Variants in NBEAL1 observed in about 807,000 individuals in gnomAD.
NBEAL1 encodes neurobeachin-like protein 1.
Under a neutral mutation model 351.3 loss-of-function variants are expected in NBEAL1, and 273 were observed. The observed-to-expected ratio is 0.78, with a 90% CI of 0.70 to 0.86. The LOEUF (loss-of-function observed/expected upper bound fraction) is 0.86. Ranked by LOEUF, NBEAL1 falls within the 40% of genes least tolerant of loss-of-function variation. The pLI is 0.00. For synonymous variants in NBEAL1, 1,050 were observed against 1,086.4 expected (o/e 0.97, Z 0.66); for missense variants, 2,961 against 3,201.3 (o/e 0.92, Z 1.81).
chr2:203,149,533 A>G (rs542281303), intron 34 of NBEAL1, among the ~76,000 whole-genome samples: 2 of 152,262 alleles, frequency 1.3e-5, no homozygotes, highest in Admixed American at 6.5e-5. Flanking sequence ...TAATTATATT[A>G]TCTTTTTTTT....
At chr2:203,050,363 G>C (rs1268094579) in intron 4 of NBEAL1, among the ~76,000 whole-genome samples, 2 of 152,048 alleles carry the variant, frequency 1.3e-5, no homozygotes, top group Non-Finnish European at 2.9e-5. Flanking sequence ...AAGAGTAAGT[G>C]CACTTTTTGG....
chr2:203,149,156 G>T lies in NBEAL1; in HGVS notation c.5462+8G>T. 2 of 1,570,600 alleles carry T rather than the reference G, an allele frequency of 1.3e-6. No individual in the cohort carries two copies. Among genetic ancestry groups the T allele is most frequent in the Non-Finnish European group, 1.7e-6 (2 of 1,158,416 alleles). On this transcript the variant is annotated splice_region_variant and intron_variant, in intron 34 of 55. Coordinates refer to ENST00000683969, the MANE Select transcript of NBEAL1 (RefSeq NM_001378026.1). ...GGGACCTTGGGCTAAAAGGTAAGAG[G>T]ATATAATTTTATTAAGTACTCCTTT...
At chr2:203,183,213 TG>T (rs2064783819) in intron 43 of NBEAL1, 65 bp from the exon 44 acceptor site, 3 of 831,944 alleles carry the variant, frequency 3.6e-6, no homozygotes, top group Non-Finnish European at 5.8e-6. Context: ...CCCTCATTAG[TG>T]TTTGTTTTAC....
At chr2:203,146,447 C>G (rs1321343186) in intron 33 of NBEAL1, among the ~76,000 whole-genome samples, 3 of 152,024 alleles carry the variant, frequency 2.0e-5, no homozygotes, top group South Asian at 2.1e-4. Context: ...AACTGCAGAC[C>G]AGTATCTGTC....
chr2:203,196,597 T>C (rs1196474800), intron 47 of NBEAL1, among the ~76,000 whole-genome samples: 7 of 152,234 alleles, frequency 4.6e-5, no homozygotes, highest in African/African-American at 1.7e-4. Flanking sequence ...TCACCAACTT[T>C]TTAAAATTTT....
intron 3 of NBEAL1, among the ~76,000 whole-genome samples, chr2:203,045,050 A>C (rs1012680352): frequency 3.3e-5 from 5 of 152,206 alleles, no homozygotes; most frequent in African/African-American, 1.2e-4. Flanking sequence ...GAACATGGCC[A>C]AAAATTTCAA....
rs184223731 is a variant in NBEAL1, at chr2:203,077,905, T to C, written c.684+68T>C. The C allele has an allele frequency of 1.4e-4, 111 of 784,428 alleles. No homozygotes were observed. The African/African-American group carries it at 1.9e-3, about 13-fold the overall frequency. 48.6% of individuals were successfully genotyped at this position (784,428 alleles called of 1,614,324 possible). A position where few individuals can be genotyped will look rare whatever the true frequency, so the allele number is the denominator to read the frequency against. On this transcript the variant is annotated intron_variant, in intron 8 of 55. Transcript: ENST00000683969. The stretch of plus-strand genomic sequence containing the variant: ...CAGTGCAAAAAGCTTTCCATAGATT[T>C]AGTATGTTCTTTGTCTTTTTATAAT...
At chr2:203,167,125 T>C (rs1295017958) in intron 37 of NBEAL1, 102 bp from the exon 38 acceptor site, 1 of 1,087,150 alleles carries the variant, frequency 9.2e-7, no homozygotes, top group Non-Finnish European at 1.3e-6. Context: ...GAAATTGAAT[T>C]CCTTTTTCCT....
In NBEAL1 at chr2:203,149,389, T is replaced by C. The variant is rs372850753; in HGVS notation, c.5462+241T>C. Among the ~76,000 whole-genome samples, 5 of 152,254 alleles carry C rather than the reference T, an allele frequency of 3.3e-5. No individual in the cohort carries two copies. The East Asian group carries it at 5.8e-4, about 18-fold the overall frequency. On this transcript the variant is annotated intron_variant, in intron 34 of 55. Transcript: ENST00000683969. ...CTTTGATATGAAGTTTATTGGACTT[T>C]AGACTCTTAGAGAGTGTTAAACCAA...
chr2:203,195,608 C>T (rs1048088641), intron 47 of NBEAL1, among the ~76,000 whole-genome samples: 3 of 152,132 alleles, frequency 2.0e-5, no homozygotes, highest in Non-Finnish European at 4.4e-5. Context: ...AGATTTATTA[C>T]AGTGAAAGGA....
chr2:203,082,715 C>A (rs2061894448), intron 8 of NBEAL1, among the ~76,000 whole-genome samples: 1 of 152,058 alleles, frequency 6.6e-6, no homozygotes, highest in Non-Finnish European at 1.5e-5. Context: ...TTTCATTTTG[C>A]CTAAGAAATC....
At chr2:203,149,575 A>G (rs2063598396) in intron 34 of NBEAL1, among the ~76,000 whole-genome samples, 1 of 152,154 alleles carries the variant, frequency 6.6e-6, no homozygotes, top group Non-Finnish European at 1.5e-5. Flanking sequence ...GGTAAAATGT[A>G]CATAAAATTT....
intron 39 of NBEAL1, among the ~76,000 whole-genome samples, chr2:203,170,269 G>A (rs2064278934): frequency 6.6e-6 from 1 of 152,128 alleles, no homozygotes; most frequent in African/African-American, 2.4e-5. Flanking sequence ...CTACTCGGGA[G>A]GCTGAGGTGG....
chr2:203,207,420 G>A (rs1443830817), intron 51 of NBEAL1, among the ~76,000 whole-genome samples: 1 of 152,216 alleles, frequency 6.6e-6, no homozygotes, highest in Non-Finnish European at 1.5e-5. Context: ...GTGCCCAACA[G>A]CTCATTGAGA....
intron 42 of NBEAL1, among the ~76,000 whole-genome samples, chr2:203,178,374 C>T (rs1289083611): frequency 6.6e-6 from 1 of 151,946 alleles, no homozygotes; most frequent in African/African-American, 2.4e-5. Context: ...GCCATATTAC[C>T]CAGGCTGGTC....
At chr2:203,099,145 G>A (rs1374853220) in intron 11 of NBEAL1, among the ~76,000 whole-genome samples, 2 of 151,946 alleles carry the variant, frequency 1.3e-5, no homozygotes, top group Non-Finnish European at 2.9e-5. Flanking sequence ...GCATGGTGAC[G>A]CATGCCTGTA....
chr2:203,092,893 A>G (rs1315415417), intron 10 of NBEAL1, among the ~76,000 whole-genome samples: 1 of 152,222 alleles, frequency 6.6e-6, no homozygotes, highest in Non-Finnish European at 1.5e-5. Flanking sequence ...GTAAATTGTT[A>G]TAAAGACAAA....
At chr2:203,040,703 T>A in intron 2 of NBEAL1, 1 of 620,642 alleles carries the variant, frequency 1.6e-6, no homozygotes, top group African/African-American at 1.8e-5. Flanking sequence ...GGGAAGTATT[T>A]CCAGGAGATC....
intron 6 of NBEAL1, among the ~76,000 whole-genome samples, chr2:203,059,658 A>G (rs2061463358): frequency 6.6e-6 from 1 of 152,214 alleles, no homozygotes; most frequent in African/African-American, 2.4e-5. Flanking sequence ...ACGGGTAGAA[A>G]TAGTTGTCAG....
Sources: gnomAD v4.1 joint callset for allele counts (sites outside exome capture counted in the v4.1 genomes callset) on GRCh38, gnomAD v4.1.1 for gene constraint, MANE v1.5 for transcripts, NCBI Gene and HGNC (gene_info 2026-07-23, HGNC 2026-07-21) for gene names.